HGSNAT: variants seen among roughly 807,000 people sequenced by gnomAD.
The protein encoded by HGSNAT is heparan-alpha-glucosaminide N-acetyltransferase, also known as transmembrane protein 76.
A neutral mutation model predicts 85.2 loss-of-function variants in HGSNAT; 59 were observed. That is an observed-to-expected ratio of 0.69 (90% CI 0.56 to 0.86). The LOEUF (loss-of-function observed/expected upper bound fraction) is 0.86. Among genes scored for constraint, HGSNAT ranks in the 40% least tolerant of loss-of-function variants. The pLI is 0.00. For synonymous variants in HGSNAT, 321 were observed against 304.5 expected (o/e 1.05, Z -0.56); for missense variants, 756 against 777.1 (o/e 0.97, Z 0.32).
At chr8:43,180,939 G>T (rs1586738246) in intron 10 of HGSNAT, among the ~76,000 whole-genome samples, 1 of 103,870 alleles carries the variant, frequency 9.6e-6, no homozygotes, top group East Asian at 3.0e-4. Context: ...AAAAAAAACC[G>T]AAAACCAGTC....
intron 9 of HGSNAT, among the ~76,000 whole-genome samples, chr8:43,174,917 C>G (rs769940339): frequency 6.6e-6 from 1 of 152,186 alleles, no homozygotes; most frequent in African/African-American, 2.4e-5. Flanking sequence ...CTTCCCTCCC[C>G]ACTACCCTTC....
At chr8:43,182,294 T>C in intron 11 of HGSNAT, 34 bp downstream of exon 11, 3 of 1,520,162 alleles carry the variant, frequency 2.0e-6, no homozygotes, top group Non-Finnish European at 2.7e-6. Context: ...GAAAAACTTT[T>C]TTTAAATTAA....
chr8:43,169,409 G>A (rs1803541562), intron 6 of HGSNAT, among the ~76,000 whole-genome samples, 167 bp downstream of exon 6: 1 of 152,198 alleles, frequency 6.6e-6, no homozygotes, highest in Admixed American at 6.5e-5. Context: ...CTGCTGGGAA[G>A]GGCTCCATCC....
At chr8:43,189,070 A>C (rs1804429222) in intron 11 of HGSNAT, among the ~76,000 whole-genome samples, 1 of 152,130 alleles carries the variant, frequency 6.6e-6, no homozygotes, top group Non-Finnish European at 1.5e-5. Context: ...CATTTAGGCT[A>C]CTTGGGGGTC....
intron 8 of HGSNAT, among the ~76,000 whole-genome samples, chr8:43,173,317 T>A (rs1420866453): frequency 6.6e-6 from 1 of 151,546 alleles, no homozygotes; most frequent in African/African-American, 2.4e-5. Flanking sequence ...TCTTTTTCTT[T>A]TTTTTTTTTG....
At chr8:43,179,516 G>A (rs1268222637) in intron 10 of HGSNAT, among the ~76,000 whole-genome samples, 7 of 128,150 alleles carry the variant, frequency 5.5e-5, no homozygotes, top group African/African-American at 9.5e-5. Context: ...CCTCCCTCCC[G>A]GACGGGGCGG....
intron 2 of HGSNAT, among the ~76,000 whole-genome samples, chr8:43,156,242 T>C (rs1803090854): frequency 6.6e-6 from 1 of 152,248 alleles, no homozygotes; most frequent in Non-Finnish European, 1.5e-5. Context: ...CATTTTCATA[T>C]GGAAACAACA....
rs148799956 is a variant in HGSNAT, at chr8:43,173,478, T to A, written c.821-235T>A. ...GTGCCCGCCACCACACCCGGCTAAT[T>A]TTTGTATTTTTAGTAGAGACGGAGT... On this transcript the variant is annotated intron_variant, in intron 8 of 17. Transcript: ENST00000379644. 0.01 allele frequency among the ~76,000 whole-genome samples: 1,555 copies of A among 152,012 alleles called. 36 individuals are homozygous for A. The highest frequency in any genetic ancestry group is 0.035 in the African/African-American group (1,462 of 41,426).
intron 1 of HGSNAT, among the ~76,000 whole-genome samples, chr8:43,141,119 A>G (rs1377644645): frequency 6.6e-6 from 1 of 152,166 alleles, no homozygotes; most frequent in Admixed American, 6.5e-5. Context: ...GCGGGTGGGA[A>G]GCCTGGGGCC....
chr8:43,151,857 C>T (rs1802932076), intron 2 of HGSNAT, among the ~76,000 whole-genome samples: 1 of 152,118 alleles, frequency 6.6e-6, no homozygotes, highest in South Asian at 2.1e-4. Context: ...AGATTCTATC[C>T]AGGAGAGAGG....
intron 11 of HGSNAT, 122 bp from the exon 12 acceptor site, chr8:43,191,352 T>G (rs1356188165): frequency 1.6e-6 from 2 of 1,223,954 alleles, no homozygotes; most frequent in Non-Finnish European, 2.3e-6. Flanking sequence ...AGTCAGTAAG[T>G]TTTTGTATTA....
intron 14 of HGSNAT, chr8:43,196,277 A>G (rs1159533880): frequency 5.6e-6 from 2 of 358,056 alleles, no homozygotes; most frequent in East Asian, 7.5e-5. Flanking sequence ...ACTATAAATT[A>G]TTTTTAAAGC....
intron 10 of HGSNAT, chr8:43,180,678 A>T (rs1275732453): frequency 1.3e-5 from 4 of 298,878 alleles, no homozygotes; most frequent in South Asian, 9.8e-5. Context: ...GACGCTCCTC[A>T]CTTCCCAGAC....
intron 5 of HGSNAT, among the ~76,000 whole-genome samples, chr8:43,164,117 T>C (rs1274817983): frequency 6.6e-6 from 1 of 152,208 alleles, no homozygotes; most frequent in African/African-American, 2.4e-5. Flanking sequence ...CCATTAGAGA[T>C]ACATACTAAA....
intron 11 of HGSNAT, among the ~76,000 whole-genome samples, chr8:43,188,242 C>T (rs948310815): frequency 7.9e-5 from 12 of 152,146 alleles, no homozygotes; most frequent in South Asian, 2.1e-4. Context: ...GAGTTTTTTC[C>T]GACTTGGTTC....
chr8:43,153,780 C>T (rs1469153605), intron 2 of HGSNAT, among the ~76,000 whole-genome samples: 3 of 152,214 alleles, frequency 2.0e-5, no homozygotes, highest in South Asian at 2.1e-4. Flanking sequence ...CTTTTACATA[C>T]GAGTGAGATC....
chr8:43,178,192 A>C lies in HGSNAT; in HGVS notation c.970A>C (p.Ile324Leu). ...ATGGAGGAGTTTCCTGTTAATCTGC[A>C]TAGGAATTATCATTGTGAATCCCAA... ...IAWRSFLLIC[I>L]GIIIVNPNYC... is the part of the protein sequence containing the mutation. Residue 324 changes from isoleucine to leucine, a missense_variant, in exon 10 of 18, where the codon ATA becomes CTA. Transcript: ENST00000379644. 6.3e-7 allele frequency: 1 copy of C among 1,580,576 alleles called. No individual in the cohort carries two copies.
chr8:43,191,345 C>T, intron 11 of HGSNAT, 129 bp from the exon 12 acceptor site: 1 of 1,064,594 alleles, frequency 9.4e-7, no homozygotes, highest in Non-Finnish European at 1.4e-6. Context: ...CTAACGTAGT[C>T]AGTAAGTTTT....
rs372810932 is a variant in HGSNAT at position 43,199,584 on chromosome 8, A to G, written c.*15A>G. The G allele has an allele frequency of 2.6e-6, 4 of 1,520,434 alleles. No homozygotes were observed. The East Asian group carries it at 6.9e-5, about 26-fold the overall frequency. The allele number at this position is 1,520,434 out of a possible 1,614,324, so 94.2% of individuals were successfully genotyped here. A position where few individuals can be genotyped will look rare whatever the true frequency, so the allele number is the denominator to read the frequency against. Reference sequence around the variant, plus strand: ...GGAAAATCTGATGGCTCCCACTGAGATGTGCTGCTGGAAGACTCTAGTAGG... The same window carrying G: ...GGAAAATCTGATGGCTCCCACTGAGGTGTGCTGCTGGAAGACTCTAGTAGG... On this transcript the variant is annotated 3_prime_UTR_variant, in exon 18 of 18. Transcript: ENST00000379644.
Sources: gnomAD v4.1 joint callset for allele counts (sites outside exome capture counted in the v4.1 genomes callset) on GRCh38, gnomAD v4.1.1 for gene constraint, MANE v1.5 for transcripts, NCBI Gene and HGNC (gene_info 2026-07-23, HGNC 2026-07-21) for gene names.